PDE4D: variants seen among roughly 807,000 people sequenced by gnomAD.
PDE4D encodes the protein phosphodiesterase 4D, also known as 3',5'-cyclic-AMP phosphodiesterase 4D.
In PDE4D, 24 loss-of-function variants were observed where a neutral mutation model predicts 87.4. The observed-to-expected ratio is 0.27, with a 90% confidence interval of 0.20 to 0.39. The LOEUF (loss-of-function observed/expected upper bound fraction) is 0.39, where lower values mean the gene tolerates loss of function less well. Among genes scored for constraint, PDE4D ranks in the 10% least tolerant of loss-of-function variants. PDE4D has a pLI of 1.00. For synonymous variants in PDE4D, 384 were observed against 383.2 expected, an observed-to-expected ratio of 1.00 and a Z score of -0.02; for missense variants, 714 against 1,041.0, an observed-to-expected ratio of 0.69 and a Z score of 4.32.
chr5:59,388,196 A>G (rs565183540), intron 1 of PDE4D, among the ~76,000 whole-genome samples: 3 of 152,252 alleles, frequency 2.0e-5, no homozygotes, highest in African/African-American at 7.2e-5. Flanking sequence ...CAAGAAAAGG[A>G]TCTAAACAGA....
Position 59,617,426 on chromosome 5 carries a change from G to A in PDE4D, c.455+275742C>T, listed in dbSNP as rs892245483. Among the ~76,000 whole-genome samples the A allele has an allele frequency of 3.0e-4, 46 of 152,078 alleles. 1 individual carries two copies. The highest frequency in any genetic ancestry group is 2.8e-3 in the Admixed American group (42 of 15,246). On this transcript the variant is annotated intron_variant, in intron 1 of 14. Transcript: ENST00000340635. ...AAACCCAAGTCCAACACTTTATTGC[G>A]TCTCCCCCAGAAATCATGTGTTGAA...
chr5:60,174,882 ACT>A (rs2149488681), intron 2 of PDE4D, among the ~76,000 whole-genome samples: 1 of 151,898 alleles, frequency 6.6e-6, no homozygotes, highest in Admixed American at 6.6e-5. Flanking sequence ...ATATAACATG[ACT>A]CTGCACGTGT....
rs868549308 is a variant in PDE4D at position 60,170,251 on chromosome 5, G to T, written c.42+15306C>A. The stretch of plus-strand genomic sequence containing the variant: ...CACTTAGTTTTCATAACAATCCTAT[G>T]ATGTAGTCATTATCACCTATATTAC... On this transcript the variant is annotated intron_variant, in intron 2 of 16. Coordinates refer to the PDE4D transcript ENST00000502484. Among the ~76,000 whole-genome samples the T allele has an allele frequency of 2.0e-5, 3 of 152,086 alleles. No homozygotes were observed. In the South Asian group the frequency reaches 6.2e-4, roughly 32 times the overall value.
chr5:59,426,072 T>A (rs976801533), intron 1 of PDE4D, among the ~76,000 whole-genome samples: 2 of 152,070 alleles, frequency 1.3e-5, no homozygotes, highest in Non-Finnish European at 2.9e-5. Context: ...CATACAGAGA[T>A]CCCAGCGATG....
chr5:59,037,885 GTAAGA>G (rs1243862871), intron 6 of PDE4D, among the ~76,000 whole-genome samples: 1 of 151,102 alleles, frequency 6.6e-6, no homozygotes, highest in African/African-American at 2.4e-5. Context: ...TAGATGAACT[GTAAGA>G]TAATATAACC....
chr5:59,917,057 G>A (rs1754141472), intron 3 of PDE4D, among the ~76,000 whole-genome samples: 1 of 149,904 alleles, frequency 6.7e-6, no homozygotes, highest in Non-Finnish European at 1.5e-5. Context: ...ATCTGCCTCG[G>A]GCTCCCAAAG....
At chr5:60,408,646 T>C (rs1212306528) in intron 1 of PDE4D, among the ~76,000 whole-genome samples, 9 of 151,976 alleles carry the variant, frequency 5.9e-5, no homozygotes, top group Admixed American at 5.9e-4. Flanking sequence ...AACATGTTTG[T>C]ATTGAGCAGC....
At chr5:60,175,733 G>A (rs1783850980) in intron 2 of PDE4D, among the ~76,000 whole-genome samples, 1 of 152,040 alleles carries the variant, frequency 6.6e-6, no homozygotes, top group African/African-American at 2.4e-5. Flanking sequence ...AGCAGGCCAG[G>A]GAGGAAGGGC....
intron 3 of PDE4D, among the ~76,000 whole-genome samples, chr5:59,188,429 T>C (rs1743409633): frequency 6.6e-6 from 1 of 152,204 alleles, no homozygotes. Flanking sequence ...CAATGTTATT[T>C]ACGTACACTA....
chr5:60,368,957 G>A (rs1305224065), intron 1 of PDE4D, among the ~76,000 whole-genome samples: 3 of 151,980 alleles, frequency 2.0e-5, no homozygotes, highest in Non-Finnish European at 4.4e-5. Flanking sequence ...TGTCTTTATA[G>A]CAGTGTGAGA....
intron 2 of PDE4D, among the ~76,000 whole-genome samples, chr5:60,127,255 T>G (rs965281441): frequency 6.6e-6 from 1 of 152,124 alleles, no homozygotes; most frequent in Non-Finnish European, 1.5e-5. Flanking sequence ...TGATTCAGAT[T>G]ATTGAGCCCC....
intron 6 of PDE4D, chr5:58,999,559 A>G: frequency 8.1e-7 from 1 of 1,236,116 alleles, no homozygotes; most frequent in Non-Finnish European, 1.1e-6. Context: ...ATATGTATAT[A>G]TATATATATG....
intron 1 of PDE4D, among the ~76,000 whole-genome samples, chr5:59,850,733 G>A (rs1744549409): frequency 1.3e-5 from 2 of 151,946 alleles, no homozygotes; most frequent in African/African-American, 4.8e-5. Context: ...GCTTTAAGGA[G>A]GCTATTTGAA....
upstream of PDE4D, chr5:60,490,170 G>A (rs1268956168): frequency 6.6e-6 from 1 of 152,178 alleles, no homozygotes; most frequent in Non-Finnish European, 1.5e-5. Context: ...TCATCTGTTA[G>A]TAAGTGATGT....
intron 1 of PDE4D, among the ~76,000 whole-genome samples, chr5:59,390,058 T>C (rs1787929206): frequency 6.6e-6 from 1 of 152,140 alleles, no homozygotes; most frequent in African/African-American, 2.4e-5. Flanking sequence ...ATACCCTGAT[T>C]TGATCATCAC....
intron 1 of PDE4D, among the ~76,000 whole-genome samples, chr5:60,375,082 A>G (rs1761331732): frequency 2.0e-5 from 3 of 152,254 alleles, no homozygotes; most frequent in East Asian, 3.9e-4. Context: ...AACCTTTCCA[A>G]TCTTTCTGGA....
chr5:59,406,160 G>A (rs540598468), intron 1 of PDE4D, among the ~76,000 whole-genome samples: 1 of 152,206 alleles, frequency 6.6e-6, no homozygotes, highest in East Asian at 1.9e-4. Flanking sequence ...CAGATCCTGG[G>A]CTTTTCTTTA....
chr5:59,349,033 A>G (rs576797569), intron 1 of PDE4D, among the ~76,000 whole-genome samples: 217 of 152,262 alleles, frequency 1.4e-3, no homozygotes, highest in Middle Eastern at 6.8e-3. Context: ...ATGAGTGATG[A>G]TCATGCCACT....
chr5:60,411,052 T>G (rs1181064014), intron 1 of PDE4D, among the ~76,000 whole-genome samples: 1 of 152,160 alleles, frequency 6.6e-6, no homozygotes, highest in African/African-American at 2.4e-5. Flanking sequence ...GAACTGACAT[T>G]TGAACATAGG....
Sources: gnomAD v4.1 joint callset for allele counts (sites outside exome capture counted in the v4.1 genomes callset) on GRCh38, gnomAD v4.1.1 for gene constraint, MANE v1.5 for transcripts, NCBI Gene and HGNC (gene_info 2026-07-23, HGNC 2026-07-21) for gene names.